BTBD9: variants seen among roughly 807,000 people sequenced by gnomAD.
BTBD9 encodes BTB/POZ domain-containing protein 9.
In BTBD9, 49 loss-of-function variants were observed where a neutral mutation model predicts 64.3. The observed-to-expected ratio is 0.76, with a 90% CI of 0.61 to 0.97. BTBD9 has a LOEUF of 0.97. Among genes scored for constraint, BTBD9 ranks in the 50% least tolerant of loss-of-function variants. The pLI is 0.00. For synonymous variants in BTBD9, 260 were observed against 274.7 expected (o/e 0.95, Z 0.53); for missense variants, 598 against 762.1 (o/e 0.78, Z 2.53).
At chr6:38,524,243 A>G (rs893986045) in intron 6 of BTBD9, among the ~76,000 whole-genome samples, 1 of 152,116 alleles carries the variant, frequency 6.6e-6, no homozygotes, top group Non-Finnish European at 1.5e-5. Flanking sequence ...AAGTATACAA[A>G]AGGTTTAATT....
intron 6 of BTBD9, among the ~76,000 whole-genome samples, chr6:38,369,367 T>C (rs532723855): frequency 1.3e-5 from 2 of 152,302 alleles, no homozygotes; most frequent in Non-Finnish European, 2.9e-5. Flanking sequence ...CCAGGTAAAA[T>C]TGCCTTCCTA....
intron 6 of BTBD9, among the ~76,000 whole-genome samples, chr6:38,391,534 A>T (rs1766413866): frequency 6.6e-6 from 1 of 152,222 alleles, no homozygotes; most frequent in Admixed American, 6.5e-5. Flanking sequence ...TATTTTACCA[A>T]GAAAGAAAAT....
chr6:38,281,095 C>T (rs1447018069), intron 8 of BTBD9, among the ~76,000 whole-genome samples: 1 of 152,132 alleles, frequency 6.6e-6, no homozygotes, highest in Admixed American at 6.6e-5. Context: ...GTCATTAGCC[C>T]CAATTCCTCT....
intron 6 of BTBD9, among the ~76,000 whole-genome samples, chr6:38,494,035 C>T (rs545945113): frequency 6.6e-6 from 1 of 152,250 alleles, no homozygotes; most frequent in Non-Finnish European, 1.5e-5. Context: ...ACTGATTTGG[C>T]ATTACAAGAA....
chr6:38,228,351 C>CGCAA (rs566108714), intron 9 of BTBD9, among the ~76,000 whole-genome samples: 1 of 28,322 alleles, frequency 3.5e-5, no homozygotes, highest in Non-Finnish European at 6.6e-5. Flanking sequence ...TCCCCCCCCC[C>CGCAA]AAAAAAAAAA....
At chr6:38,516,651 T>C (rs1337108337) in intron 6 of BTBD9, among the ~76,000 whole-genome samples, 2 of 152,346 alleles carry the variant, frequency 1.3e-5, no homozygotes, top group African/African-American at 2.4e-5. Context: ...TCAGGCTTAT[T>C]AGATGCACCC....
chr6:38,504,444 C>A, intron 6 of BTBD9: 2 of 403,402 alleles, frequency 5.0e-6, no homozygotes, highest in Non-Finnish European at 1.0e-5. Context: ...CTCCCTTTCC[C>A]TATGAAAGTC....
chr6:38,551,819 T>C (rs1240631321), intron 6 of BTBD9, among the ~76,000 whole-genome samples: 1 of 152,190 alleles, frequency 6.6e-6, no homozygotes, highest in Non-Finnish European at 1.5e-5. Flanking sequence ...GAGAACGGAT[T>C]AGAAAAGTGT....
chr6:38,525,564 T>C (rs924173712), intron 6 of BTBD9, among the ~76,000 whole-genome samples: 6 of 152,206 alleles, frequency 3.9e-5, no homozygotes, highest in African/African-American at 1.4e-4. Flanking sequence ...AAGATGAAGT[T>C]TGGAACTTCC....
At chr6:38,222,257 G>GTTTTTTTTTT (rs1156925177) in intron 9 of BTBD9, among the ~76,000 whole-genome samples, 1 of 114,336 alleles carries the variant, frequency 8.7e-6, no homozygotes, top group Non-Finnish European at 1.7e-5. Flanking sequence ...TCATTCAGTT[G>GTTTTTTTTTT]TTTTTTTTTT....
At chr6:38,239,829 A>G (rs1200143215) in intron 9 of BTBD9, among the ~76,000 whole-genome samples, 1 of 152,220 alleles carries the variant, frequency 6.6e-6, no homozygotes, top group Non-Finnish European at 1.5e-5. Flanking sequence ...TCCTGTTTTC[A>G]AGGGTCAGTG....
At chr6:38,372,543 T>C (rs1180636457) in intron 6 of BTBD9, among the ~76,000 whole-genome samples, 1 of 152,228 alleles carries the variant, frequency 6.6e-6, no homozygotes, top group East Asian at 1.9e-4. Flanking sequence ...CAGGGCAGGA[T>C]AAAACTCTTT....
At chr6:38,323,935 A>C (rs1441990175) in intron 7 of BTBD9, among the ~76,000 whole-genome samples, 3 of 152,168 alleles carry the variant, frequency 2.0e-5, no homozygotes, top group East Asian at 3.9e-4. Context: ...CTGTCTCTAC[A>C]CTTTTATTTT....
At chr6:38,409,909 A>G (rs1224021997) in intron 6 of BTBD9, among the ~76,000 whole-genome samples, 1 of 152,164 alleles carries the variant, frequency 6.6e-6, no homozygotes, top group Non-Finnish European at 1.5e-5. Context: ...TCCTGAGTAT[A>G]AAACCAAAAA....
intron 6 of BTBD9, among the ~76,000 whole-genome samples, chr6:38,362,099 C>T (rs921424767): frequency 3.3e-4 from 50 of 152,182 alleles, no homozygotes; most frequent in African/African-American, 1.1e-3. Context: ...GGCTTACTCA[C>T]ATGGATTCTG....
In BTBD9 at chr6:38,580,244, C is replaced by G. The variant is rs1223226146; in HGVS notation, c.1008G>C (p.Arg336=). 1.2e-6 allele frequency: 2 copies of G among 1,614,080 alleles called. No homozygotes were observed. Among genetic ancestry groups the G allele is most frequent in the South Asian group, 2.2e-5 (2 of 91,092 alleles). The change falls in exon 5 of 11, where the codon CGG becomes CGC. Residue 336 remains arginine, a synonymous_variant. Coordinates refer to ENST00000481247, the MANE Select transcript of BTBD9 (RefSeq NM_001099272.2). ...LGQPSIINHI[R]ILLWDRDSRS... Reference sequence around the variant, plus strand: ...GGCTATCTCGGTCCCACAAGAGTATCCGTATGTGATTGATAATGGATGGCT... The same window carrying G: ...GGCTATCTCGGTCCCACAAGAGTATGCGTATGTGATTGATAATGGATGGCT...
At chr6:38,421,216 C>T (rs1261629583) in intron 6 of BTBD9, among the ~76,000 whole-genome samples, 2 of 151,894 alleles carry the variant, frequency 1.3e-5, no homozygotes, top group Non-Finnish European at 2.9e-5. Flanking sequence ...ATTAGCCAGG[C>T]GTGGTGATGG....
chr6:38,343,005 C>G (rs1764162682), intron 7 of BTBD9, among the ~76,000 whole-genome samples: 1 of 152,168 alleles, frequency 6.6e-6, no homozygotes, highest in Admixed American at 6.5e-5. Flanking sequence ...CCACTGCAGG[C>G]AATCTTCTGG....
chr6:38,170,765 C>T lies in BTBD9; in HGVS notation c.*4220G>A, dbSNP rs1009396348. ...ACTGCACTTTAAATTCCTAACTGAA[C>T]TCCTGCCGGGGCTGTTGTCAGGAAA... On this transcript the variant is annotated 3_prime_UTR_variant, in exon 11 of 11. Coordinates refer to ENST00000481247, the MANE Select transcript of BTBD9 (RefSeq NM_001099272.2). The T allele has an allele frequency of 6.6e-6, 1 of 152,236 alleles. No individual in the cohort carries two copies. Among genetic ancestry groups the T allele is most frequent in the Non-Finnish European group, 1.5e-5 (1 of 68,044 alleles). The allele number at this position is 152,236 out of a possible 1,614,324, so 9.4% of individuals were successfully genotyped here. A position where few individuals can be genotyped will look rare whatever the true frequency, so the allele number is the denominator to read the frequency against.
Sources: allele counts gnomAD v4.1 joint callset (sites outside exome capture counted in the v4.1 genomes callset), GRCh38; gene constraint gnomAD v4.1.1; transcripts MANE v1.5; gene names NCBI Gene and HGNC (gene_info 2026-07-23, HGNC 2026-07-21).